The following DOCK7 variants were observed in gnomAD, a reference collection of about 807,000 sequenced individuals.
The protein encoded by DOCK7 is dedicator of cytokinesis protein 7.
DOCK7 carries 138 observed loss-of-function variants against 271.0 expected under a neutral mutation model. That is an observed-to-expected ratio of 0.51 (90% CI 0.44 to 0.59). DOCK7 has a LOEUF of 0.59. Among genes scored for constraint, DOCK7 ranks in the 20% least tolerant of loss-of-function variants. DOCK7 has a pLI of 0.00. For synonymous variants in DOCK7, 823 were observed against 876.1 expected (o/e 0.94, Z 1.07); for missense variants, 2,066 against 2,592.4 (o/e 0.80, Z 4.41).
intron 12 of DOCK7, among the ~76,000 whole-genome samples, chr1:62,622,518 A>G (rs1164615687): frequency 2.0e-5 from 3 of 152,244 alleles, no homozygotes; most frequent in East Asian, 3.9e-4. Flanking sequence ...CAGTGGCATT[A>G]TAATTGCTCA....
chr1:62,475,774 G>A lies in DOCK7; in HGVS notation c.5894C>T (p.Thr1965Ile), dbSNP rs1645952688. 4 of 1,613,924 alleles carry A rather than the reference G, an allele frequency of 2.5e-6. No homozygotes were observed. The highest frequency in any genetic ancestry group is 3.4e-6 in the Non-Finnish European group (4 of 1,179,942). ...GELHEQFKRKTILTTSHAFPY... is the reference protein window; with the variant it reads ...GELHEQFKRKIILTTSHAFPY... ...AAAGGCATGAGACGTAGTCAGAATG[G>A]TCTTCCTTTTGAATTGTTCATGAAG... Residue 1965 changes from threonine to isoleucine, a missense_variant, in exon 46 of 50, where the codon ACC becomes ATC. Thr to Ile is a moderately conservative substitution (Grantham distance 89, BLOSUM62 -1). Around this residue, in one of 2 missense-constraint regions of DOCK7, gnomAD observed 652 missense variants for 922.1 expected, o/e 0.71. Coordinates refer to ENST00000635253, the MANE Select transcript of DOCK7 (RefSeq NM_001367561.1).
intron 40 of DOCK7, among the ~76,000 whole-genome samples, 179 bp downstream of exon 40, chr1:62,494,096 G>A (rs1646547463): frequency 6.6e-6 from 1 of 152,142 alleles, no homozygotes; most frequent in Non-Finnish European, 1.5e-5. Flanking sequence ...GAATCAACAA[G>A]AAGTACTCCT....
intron 1 of DOCK7, among the ~76,000 whole-genome samples, chr1:62,682,817 C>T (rs946650717): frequency 1.3e-5 from 2 of 152,032 alleles, no homozygotes; most frequent in African/African-American, 4.8e-5. Flanking sequence ...CATAGTAAGT[C>T]TTATGGTTTA....
chr1:62,600,673 T>C (rs1049555276), intron 14 of DOCK7, among the ~76,000 whole-genome samples: 1 of 151,874 alleles, frequency 6.6e-6, no homozygotes, highest in Non-Finnish European at 1.5e-5. Context: ...GTTCAAATTA[T>C]GTATTATGTC....
Position 62,687,861 on chromosome 1 carries a change from C to G in DOCK7, c.38+366G>C, listed in dbSNP as rs576599965. The stretch of plus-strand genomic sequence containing the variant: ...GGCGAAACGCCGCGGCGGCCCCCGA[C>G]GAGCCCGGGGGTGGGAACACAAAGA... On this transcript the variant is annotated intron_variant, in intron 1 of 49. Transcript: ENST00000635253. Among the ~76,000 whole-genome samples the G allele has an allele frequency of 5.9e-3, 891 of 152,192 alleles. 7 individuals carry two copies. Among genetic ancestry groups the G allele is most frequent in the African/African-American group, 0.02 (840 of 41,546 alleles).
intron 27 of DOCK7, 82 bp from the exon 28 acceptor site, chr1:62,538,143 T>G: frequency 7.0e-7 from 1 of 1,427,278 alleles, no homozygotes. Flanking sequence ...CAAATTAGAA[T>G]TAAAGAGATA....
At chr1:62,482,704 C>T (rs1646163077) in intron 43 of DOCK7, 1 of 152,116 alleles carries the variant, frequency 6.6e-6, no homozygotes, top group Non-Finnish European at 1.5e-5. Context: ...AACTATCATC[C>T]ACTTCTCTGG....
At chr1:62,473,047 C>A (rs999486201) in intron 48 of DOCK7, among the ~76,000 whole-genome samples, 1 of 152,160 alleles carries the variant, frequency 6.6e-6, no homozygotes, top group Admixed American at 6.5e-5. Context: ...GGTATTCTTT[C>A]AGTGCAATAA....
chr1:62,634,308 CATT>C (rs1261104246), intron 9 of DOCK7: 1 of 148,864 alleles, frequency 6.7e-6, no homozygotes, highest in Non-Finnish European at 1.5e-5. Context: ...GATTTGATAT[CATT>C]AAGATGTCAA....
chr1:62,604,149 A>C (rs151187179), intron 14 of DOCK7: 36 of 1,613,342 alleles, frequency 2.2e-5, no homozygotes, highest in Non-Finnish European at 3.0e-5. Context: ...AATGTCCCCA[A>C]TGCAATCCCG....
chr1:62,540,324 C>T (rs1221442143), intron 25 of DOCK7, among the ~76,000 whole-genome samples: 1 of 152,066 alleles, frequency 6.6e-6, no homozygotes, highest in African/African-American at 2.4e-5. Flanking sequence ...CAGGTGCACA[C>T]TACCATGCCC....
intron 48 of DOCK7, among the ~76,000 whole-genome samples, chr1:62,468,360 CAAAA>C (rs201784083): frequency 1.1e-5 from 1 of 93,076 alleles, no homozygotes. Context: ...GACTCTGTCT[CAAAA>C]AAAAAAAAAA....
In DOCK7 at chr1:62,676,555, T is replaced by C. The variant is rs74078668; in HGVS notation, c.38+11672A>G. ...ACCTCAATAAAGCTGGGTTTTTTTT[T>C]CTAAGGATCTGGGTTGGAACTGCTC... On this transcript the variant is annotated intron_variant, in intron 1 of 49. Coordinates refer to ENST00000635253, the MANE Select transcript of DOCK7 (RefSeq NM_001367561.1). Among the ~76,000 whole-genome samples, 1,226 of 152,294 alleles carry C rather than the reference T, an allele frequency of 8.1e-3. 17 individuals carry two copies. The highest frequency in any genetic ancestry group is 0.024 in the African/African-American group (1,012 of 41,562).
intron 49 of DOCK7, among the ~76,000 whole-genome samples, chr1:62,457,108 A>G (rs1356648725): frequency 6.6e-6 from 1 of 152,228 alleles, no homozygotes; most frequent in Non-Finnish European, 1.5e-5. Flanking sequence ...ATCTAAAAAA[A>G]TTATCTGCTT....
rs1428094982 is a variant in DOCK7 at position 62,535,590 on chromosome 1, T to C, written c.3514A>G (p.Asn1172Asp). 2 of 1,613,840 alleles carry C rather than the reference T, an allele frequency of 1.2e-6. No individual in the cohort carries two copies. Among genetic ancestry groups the C allele is most frequent in the Admixed American group, 3.3e-5 (2 of 59,988 alleles). The change falls in exon 29 of 50, where the codon AAT (asparagine) becomes GAT (aspartate). Residue 1172 changes from asparagine to aspartate, a missense_variant. Physicochemically the swap from Asn to Asp is conservative, Grantham distance 23. Transcript: ENST00000635253. ...AAAGGCACGGATAATTCAAACATAT[T>C]TGCAATCTTTTGGTCTTGTACATTC... ...STNVQDQKIA[N>D]MFELSVPFRQ...
At chr1:62,525,635 GT>G (rs1644984182) in intron 31 of DOCK7, among the ~76,000 whole-genome samples, 2 of 152,188 alleles carry the variant, frequency 1.3e-5, no homozygotes, top group Admixed American at 6.5e-5. Context: ...AGCTTCAAAG[GT>G]TACCAGGCTG....
chr1:62,670,046 G>C (rs987821298), intron 1 of DOCK7, among the ~76,000 whole-genome samples: 1 of 150,550 alleles, frequency 6.6e-6, no homozygotes, highest in Non-Finnish European at 1.5e-5. Flanking sequence ...AGTGGCTGCG[G>C]AGGGTGTACT....
At chr1:62,614,594 A>G (rs950693285) in intron 14 of DOCK7, among the ~76,000 whole-genome samples, 1 of 151,998 alleles carries the variant, frequency 6.6e-6, no homozygotes. Flanking sequence ...TGTATAGTGC[A>G]TGAGTAAATG....
chr1:62,624,727 C>A (rs1049688700), intron 12 of DOCK7, among the ~76,000 whole-genome samples: 2 of 152,096 alleles, frequency 1.3e-5, no homozygotes, highest in Non-Finnish European at 2.9e-5. Flanking sequence ...CACCTGTAAT[C>A]CCAGCTGGGA....
Sources: gnomAD v4.1 joint callset for allele counts (sites outside exome capture counted in the v4.1 genomes callset) on GRCh38, gnomAD v4.1.1 for gene constraint, gnomAD v4.1.1 regional missense constraint, MANE v1.5 for transcripts, NCBI Gene and HGNC (gene_info 2026-07-23, HGNC 2026-07-21) for gene names.